The following ZNF66 variants were observed in gnomAD, a reference collection of about 807,000 sequenced individuals.
ZNF66 encodes the protein putative zinc finger protein 66.
ZNF66 carries 32 observed loss-of-function variants against 35.2 expected under a neutral mutation model. That is an observed-to-expected ratio of 0.91 (90% CI 0.69 to 1.22). The LOEUF (loss-of-function observed/expected upper bound fraction) is 1.22, where lower values mean the gene tolerates loss of function less well. Ranked by LOEUF, ZNF66 falls within the 50% of genes most tolerant of loss-of-function variation. The pLI, the probability that ZNF66 is intolerant of heterozygous loss-of-function variation, is 0.00. For missense variants in ZNF66, 666 were observed against 543.1 expected, an observed-to-expected ratio of 1.23 and a Z score of -2.25; for synonymous variants, 231 against 181.3, an observed-to-expected ratio of 1.27 and a Z score of -2.20.
chr19:20,808,983 G>A lies in ZNF66; in HGVS notation c.*1661G>A, dbSNP rs971931023. On this transcript the variant is annotated 3_prime_UTR_variant, in exon 4 of 4. Coordinates refer to ENST00000344519, the MANE Select transcript of ZNF66 (RefSeq NM_001355197.2). ...ACTAGAATAACCAATGCAGAGAAAT[G>A]CTTAAAGGAGCTGATGGAGCTGAAA... Among the ~76,000 whole-genome samples, 1 of 152,100 alleles carries A rather than the reference G, an allele frequency of 6.6e-6. No homozygotes were observed. The highest frequency in any genetic ancestry group is 1.5e-5 in the Non-Finnish European group (1 of 68,032).
At position 20,792,503 on chromosome 19, in the gene ZNF66, A is replaced by G. The variant is rs1568496465; in HGVS notation, c.4-9A>G. 2.0e-6 allele frequency: 3 copies of G among 1,511,594 alleles called. No individual in the cohort carries two copies. The highest frequency in any genetic ancestry group is 2.7e-6 in the Non-Finnish European group (3 of 1,100,408). 93.6% of individuals were successfully genotyped at this position (1,511,594 alleles called of 1,614,324 possible). ...ACTTGGTGAAAATGTGTGTGTGTAT[A>G]TTTTTCAGGGGCCATTGCAATTTAG... On this transcript the variant is annotated splice_polypyrimidine_tract_variant and intron_variant, in intron 1 of 3. Coordinates refer to ENST00000344519, the MANE Select transcript of ZNF66 (RefSeq NM_001355197.2).
chr19:20,803,534 T>TA (rs1491195339), intron 3 of ZNF66, among the ~76,000 whole-genome samples: 1 of 149,424 alleles, frequency 6.7e-6, no homozygotes, highest in African/African-American at 2.4e-5. Context: ...TTATATTTTT[T>TA]ATGTTTGTAT....
intron 3 of ZNF66, among the ~76,000 whole-genome samples, chr19:20,796,908 T>A (rs1971397268): frequency 6.6e-6 from 1 of 152,174 alleles, no homozygotes; most frequent in Non-Finnish European, 1.5e-5. Context: ...TGCGGTGCAG[T>A]GGTGTGATCG....
rs1555784125 is a variant in ZNF66, at chr19:20,808,936, T to TAAAAACCTTGAA, written c.*1619_*1620insCCTTGAAAAAAA. Among the ~76,000 whole-genome samples, 1 of 148,724 alleles carries TAAAAACCTTGAA rather than the reference T, an allele frequency of 6.7e-6. No homozygotes were observed. Among genetic ancestry groups the TAAAAACCTTGAA allele is most frequent in the African/African-American group, 2.5e-5 (1 of 40,332 alleles). On this transcript the variant is annotated 3_prime_UTR_variant, in exon 4 of 4. Transcript: ENST00000344519. ...AAATTCAAACCAAAGGCAAAGAAGT[T>TAAAAACCTTGAA]AAAAAATTAGACGAATGTATAACTA...
Position 20,793,845 on chromosome 19 carries a change from A to G in ZNF66, c.193A>G (p.Met65Val), listed in dbSNP as rs1159606192. The G allele has an allele frequency of 8.5e-7, 1 of 1,183,204 alleles. No individual in the cohort carries two copies. The allele number at this position is 1,183,204 out of a possible 1,614,324, so 73.3% of individuals were successfully genotyped here. A position where few individuals can be genotyped will look rare whatever the true frequency, so the allele number is the denominator to read the frequency against. ...GGAGCAAGGAAAAAAACCTTCGACTATGCAGAGACATGAGATGGTAGCCAA... is the reference window on the plus strand; with the variant it reads ...GGAGCAAGGAAAAAAACCTTCGACTGTGCAGAGACATGAGATGGTAGCCAA... ...HLEQGKKPST[M>V]QRHEMVANPS... The change falls in exon 3 of 4, where the codon ATG becomes GTG. Residue 65 changes from methionine (M) to valine (V), a missense_variant. Met to Val is a conservative substitution (Grantham distance 21). Coordinates refer to ENST00000344519, the MANE Select transcript of ZNF66 (RefSeq NM_001355197.2).
rs535137184 is a variant in ZNF66, at chr19:20,808,323, C to A, written c.*1001C>A. Among the ~76,000 whole-genome samples the A allele has an allele frequency of 6.6e-6, 1 of 152,222 alleles. No homozygotes were observed. The highest frequency in any genetic ancestry group is 1.9e-4 in the East Asian group (1 of 5,190). ...CAGTAACCTCTGCAGACTTAAACGT[C>A]CCTGTCTGACAGCTTTGAAGAGAGT... On this transcript the variant is annotated 3_prime_UTR_variant, in exon 4 of 4. Transcript: ENST00000344519.
chr19:20,777,795 T>A (rs1971209536), intron 1 of ZNF66, among the ~76,000 whole-genome samples: 1 of 152,040 alleles, frequency 6.6e-6, no homozygotes, highest in Non-Finnish European at 1.5e-5. Context: ...CCAGCTAGTT[T>A]TCATATTTTT....
At chr19:20,780,000 A>G (rs1971231705) in intron 1 of ZNF66, among the ~76,000 whole-genome samples, 1 of 151,772 alleles carries the variant, frequency 6.6e-6, no homozygotes, top group African/African-American at 2.4e-5. Context: ...AATCCCAGCT[A>G]CTTGGGAGGC....
intron 1 of ZNF66, among the ~76,000 whole-genome samples, chr19:20,787,177 C>A (rs143816931): frequency 0.014 from 2,091 of 152,264 alleles, 40 homozygotes; most frequent in African/African-American, 0.047. Context: ...CTCTCTGTCC[C>A]TCTGTTGTTG....
In ZNF66 at chr19:20,809,656, G is replaced by T. The variant is rs1184139529; in HGVS notation, c.*2334G>T. Among the ~76,000 whole-genome samples, 1 of 151,902 alleles carries T rather than the reference G, an allele frequency of 6.6e-6. No individual in the cohort carries two copies. Among genetic ancestry groups the T allele is most frequent in the Non-Finnish European group, 1.5e-5 (1 of 67,984 alleles). On this transcript the variant is annotated 3_prime_UTR_variant, in exon 4 of 4. Coordinates refer to ENST00000344519, the MANE Select transcript of ZNF66 (RefSeq NM_001355197.2). The stretch of plus-strand genomic sequence containing the variant: ...GAGAGATTTTGTCACCACCAGGCCT[G>T]CCCTAAAAGAGCTCCTGAAGGAAGC...
Position 20,807,143 on chromosome 19 carries a change from G to A in ZNF66, c.1543G>A (p.Gly515Ser). ...TAAACCCTACAAATGTGAAGAATGTGGCAAAGACTTTAAGTACTCCTCTAC... is the reference window on the plus strand; with the variant it reads ...TAAACCCTACAAATGTGAAGAATGTAGCAAAGACTTTAAGTACTCCTCTAC... The part of the protein sequence containing the change: ...ADKPYKCEEC[G>S]KDFKYSSTLT... The change falls in exon 4 of 4, where the codon GGC becomes AGC. Residue 515 changes from glycine to serine, a missense_variant. Physicochemically the swap from Gly to Ser is moderately conservative, Grantham distance 56. Coordinates refer to ENST00000344519, the MANE Select transcript of ZNF66 (RefSeq NM_001355197.2). 1.3e-6 allele frequency: 1 copy of A among 797,224 alleles called. No individual in the cohort carries two copies. The allele number at this position is 797,224 out of a possible 1,614,324, so 49.4% of individuals were successfully genotyped here.
intron 2 of ZNF66, among the ~76,000 whole-genome samples, chr19:20,793,411 A>C (rs1380509521): frequency 7.1e-6 from 1 of 140,446 alleles, no homozygotes; most frequent in Non-Finnish European, 1.5e-5. Context: ...GCTTACTGCA[A>C]CATCCACCTC....
At chr19:20,776,957 A>C (rs1027951150) in intron 1 of ZNF66, among the ~76,000 whole-genome samples, 1 of 151,990 alleles carries the variant, frequency 6.6e-6, no homozygotes, top group African/African-American at 2.4e-5. Flanking sequence ...TCTACTAAAA[A>C]TACAAAAATT....
rs535071574 is a variant in ZNF66 at position 20,783,100 on chromosome 19, AAT to A, written c.3+6652_3+6653del. Among the ~76,000 whole-genome samples, 614 of 152,230 alleles carry A rather than the reference AAT, an allele frequency of 4.0e-3. 15 individuals are homozygous for A. Among genetic ancestry groups the A allele is most frequent in the Non-Finnish European group, 7.5e-4 (51 of 68,032 alleles). On this transcript the variant is annotated intron_variant, in intron 1 of 3. Coordinates refer to ENST00000344519, the MANE Select transcript of ZNF66 (RefSeq NM_001355197.2). ...GTAGTTATTTTAGCACCATTTGTTA[AAT>A]AGAGAATTCTTGCTGCATTCCTCTT...
intron 3 of ZNF66, chr19:20,794,652 G>T (rs1356021147): frequency 6.7e-6 from 1 of 149,606 alleles, no homozygotes; most frequent in East Asian, 2.0e-4. Flanking sequence ...TTACCTCCTT[G>T]GTTAATTTTT....
intron 1 of ZNF66, among the ~76,000 whole-genome samples, chr19:20,788,895 A>G (rs1157367114): frequency 1.3e-5 from 2 of 151,936 alleles, no homozygotes; most frequent in South Asian, 4.2e-4. Context: ...TACTAATAAT[A>G]CAAAAATTAG....
rs933104307 is a variant in ZNF66 at position 20,809,266 on chromosome 19, A to T, written c.*1944A>T. Among the ~76,000 whole-genome samples the T allele has an allele frequency of 1.3e-5, 2 of 152,194 alleles. No individual in the cohort carries two copies. The highest frequency in any genetic ancestry group is 2.9e-5 in the Non-Finnish European group (2 of 68,026). On this transcript the variant is annotated 3_prime_UTR_variant, in exon 4 of 4. Coordinates refer to ENST00000344519, the MANE Select transcript of ZNF66 (RefSeq NM_001355197.2). Reference sequence around the variant, plus strand: ...CTTGGAAAACACTCTGCAGGATATTATCCAGGAGAACTTCCCCAATCTAGC... The same window carrying T: ...CTTGGAAAACACTCTGCAGGATATTTTCCAGGAGAACTTCCCCAATCTAGC...
At chr19:20,789,829 T>A (rs1971319945) in intron 1 of ZNF66, among the ~76,000 whole-genome samples, 1 of 152,246 alleles carries the variant, frequency 6.6e-6, no homozygotes, top group Admixed American at 6.5e-5. Flanking sequence ...CTCTGTATCA[T>A]GCTCTTGAGC....
intron 2 of ZNF66, 77 bp from the exon 3 acceptor site, chr19:20,793,706 A>G: frequency 3.8e-6 from 2 of 531,888 alleles, no homozygotes; most frequent in Non-Finnish European, 6.5e-6. Context: ...TTATCACATC[A>G]TCTTTCCTGA....
Sources: gnomAD v4.1 joint callset for allele counts (sites outside exome capture counted in the v4.1 genomes callset) on GRCh38, gnomAD v4.1.1 for gene constraint, MANE v1.5 for transcripts, NCBI Gene and HGNC (gene_info 2026-07-23, HGNC 2026-07-21) for gene names.